Variants in HAO1 observed in about 807,000 individuals in gnomAD.
The protein encoded by HAO1 is hydroxyacid oxidase 1.
HAO1 carries 34 observed loss-of-function variants against 39.7 expected under a neutral mutation model. The observed-to-expected ratio is 0.86, with a 90% confidence interval of 0.65 to 1.14. The LOEUF (loss-of-function observed/expected upper bound fraction) is 1.14. HAO1 is among the 50% of genes most tolerant of loss of function. The pLI, the probability that HAO1 is intolerant of heterozygous loss-of-function variation, is 0.00. For synonymous variants in HAO1, 172 were observed against 173.2 expected (o/e 0.99, Z 0.05); for missense variants, 479 against 464.5 (o/e 1.03, Z -0.29).
At position 7,934,474 on chromosome 20, in the gene HAO1, T is replaced by C. The variant is rs562692885; in HGVS notation, c.289+10A>G. The C allele has an allele frequency of 1.6e-5, 25 of 1,603,940 alleles. No homozygotes were observed. The Admixed American group carries it at 2.3e-4, about 15-fold the overall frequency. On this transcript the variant is annotated intron_variant, in intron 2 of 7. Coordinates refer to ENST00000378789, the MANE Select transcript of HAO1 (RefSeq NM_017545.3). ...TCCTTCTGTCCCTGTGGTGACAATC[T>C]TCCTCCTACCTCTCACAGTGGCAAG...
At chr20:7,893,791 A>T (rs1322536185) in intron 5 of HAO1, among the ~76,000 whole-genome samples, 2 of 151,790 alleles carry the variant, frequency 1.3e-5, no homozygotes, top group African/African-American at 4.8e-5. Context: ...TAATAATAAA[A>T]CTCCAATCTC....
intron 3 of HAO1, among the ~76,000 whole-genome samples, chr20:7,910,020 C>T (rs1399637439): frequency 6.6e-6 from 1 of 152,118 alleles, no homozygotes; most frequent in Non-Finnish European, 1.5e-5. Flanking sequence ...CCCGGTTCAG[C>T]CTCTTACTAG....
intron 2 of HAO1, among the ~76,000 whole-genome samples, chr20:7,923,873 TC>T (rs1336226229): frequency 6.6e-6 from 1 of 152,138 alleles, no homozygotes. Context: ...TCAAAAGGAC[TC>T]ATCCAAATTA....
At chr20:7,921,856 C>T (rs1268546760) in intron 2 of HAO1, among the ~76,000 whole-genome samples, 2 of 151,932 alleles carry the variant, frequency 1.3e-5, no homozygotes, top group African/African-American at 4.8e-5. Flanking sequence ...ATGTAGTAAC[C>T]AAAAACCAAA....
At chr20:7,931,258 T>C (rs1033568390) in intron 2 of HAO1, among the ~76,000 whole-genome samples, 6 of 152,170 alleles carry the variant, frequency 3.9e-5, no homozygotes, top group African/African-American at 1.2e-4. Context: ...ATCCACCTTA[T>C]CCAAATGTCT....
At chr20:7,906,037 A>G in intron 4 of HAO1, 117 bp downstream of exon 4, 1 of 753,354 alleles carries the variant, frequency 1.3e-6, no homozygotes, top group Non-Finnish European at 2.3e-6. Flanking sequence ...GAGAGTTGGA[A>G]TGTCTCTCTC....
intron 1 of HAO1, among the ~76,000 whole-genome samples, chr20:7,936,562 G>T (rs2050413084): frequency 6.7e-6 from 1 of 148,190 alleles, no homozygotes; most frequent in Non-Finnish European, 1.5e-5. Flanking sequence ...GCGCGCGCGC[G>T]CGCGTGCGTG....
intron 1 of HAO1, among the ~76,000 whole-genome samples, chr20:7,939,493 A>T (rs1343534454): frequency 6.6e-6 from 1 of 152,200 alleles, no homozygotes; most frequent in Non-Finnish European, 1.5e-5. Context: ...ACCATCAATG[A>T]GTACCCACAA....
At chr20:7,925,385 C>T (rs1413690351) in intron 2 of HAO1, among the ~76,000 whole-genome samples, 1 of 152,158 alleles carries the variant, frequency 6.6e-6, no homozygotes, top group African/African-American at 2.4e-5. Context: ...CACTACACCT[C>T]TAGACCTCTT....
intron 2 of HAO1, among the ~76,000 whole-genome samples, chr20:7,929,399 C>T (rs75343570): frequency 0.013 from 2,010 of 152,196 alleles, 40 homozygotes; most frequent in African/African-American, 0.043. Flanking sequence ...CTTATTCATC[C>T]AGGGTTGCCA....
At chr20:7,895,351 C>T (rs2050192140) in intron 4 of HAO1, 127 bp from the exon 5 acceptor site, 1 of 646,622 alleles carries the variant, frequency 1.5e-6, no homozygotes, top group Non-Finnish European at 2.8e-6. Flanking sequence ...ATAATCTTAG[C>T]ATAAAAGTAT....
intron 3 of HAO1, among the ~76,000 whole-genome samples, chr20:7,910,905 G>T (rs2050276436): frequency 6.6e-6 from 1 of 152,056 alleles, no homozygotes; most frequent in Non-Finnish European, 1.5e-5. Flanking sequence ...CTGTTATCTT[G>T]CTCATATTTG....
At chr20:7,883,815 A>G in intron 7 of HAO1, 152 bp from the exon 8 acceptor site, 2 of 678,676 alleles carry the variant, frequency 2.9e-6, no homozygotes, top group Non-Finnish European at 5.3e-6. Context: ...ACCATTTTTT[A>G]TTACCTAAAC....
Position 7,934,490 on chromosome 20 carries a change from C to G in HAO1, c.283G>C (p.Val95Leu). 6.2e-7 allele frequency: 1 copy of G among 1,608,608 alleles called. No homozygotes were observed. The highest frequency in any genetic ancestry group is 8.5e-7 in the Non-Finnish European group (1 of 1,178,200). Reference sequence around the variant, plus strand: ...GTGACAATCTTCCTCCTACCTCTCACAGTGGCAAGCTCGCCGTCCACATGA... The same window carrying G: ...GTGACAATCTTCCTCCTACCTCTCAGAGTGGCAAGCTCGCCGTCCACATGA... ...MAHVDGELAT[V>L]RACQSLGTGM... Residue 95 changes from valine to leucine, a missense_variant, in exon 2 of 8, where the codon GTG (valine) becomes CTG (leucine). Transcript: ENST00000378789.
intron 3 of HAO1, among the ~76,000 whole-genome samples, chr20:7,906,782 A>G (rs1020736026): frequency 6.6e-6 from 1 of 152,254 alleles, no homozygotes; most frequent in East Asian, 1.9e-4. Context: ...ACTCTTAGAA[A>G]GTAACATTGA....
intron 2 of HAO1, among the ~76,000 whole-genome samples, chr20:7,928,495 CTT>C (rs35798481): frequency 7.8e-4 from 109 of 140,264 alleles, no homozygotes; most frequent in African/African-American, 1.1e-3. Context: ...AAAGTTTTTT[CTT>C]TTTTTTTTTT....
chr20:7,885,896 T>C (rs370448666), intron 5 of HAO1, 32 bp from the exon 6 acceptor site: 2 of 1,578,276 alleles, frequency 1.3e-6, no homozygotes, highest in African/African-American at 2.7e-5. Context: ...AATGTGACTC[T>C]ATTAACACTG....
chr20:7,934,115 C>T (rs910221952), intron 2 of HAO1, among the ~76,000 whole-genome samples: 4 of 152,164 alleles, frequency 2.6e-5, no homozygotes, highest in Admixed American at 6.5e-5. Context: ...TGTCAGAGAT[C>T]CATTTCCTGA....
intron 2 of HAO1, among the ~76,000 whole-genome samples, chr20:7,932,249 C>T (rs2050389178): frequency 6.6e-6 from 1 of 151,508 alleles, no homozygotes; most frequent in South Asian, 2.1e-4. Context: ...GTCAGTTAAA[C>T]CTCTTTCCTT....
Sources: allele counts gnomAD v4.1 joint callset (sites outside exome capture counted in the v4.1 genomes callset), GRCh38; gene constraint gnomAD v4.1.1; transcripts MANE v1.5; gene names NCBI Gene and HGNC (gene_info 2026-07-23, HGNC 2026-07-21).